Variants in EHMT1 observed in about 807,000 individuals in gnomAD.
The protein encoded by EHMT1 is euchromatic histone lysine methyltransferase 1.
EHMT1 carries 15 observed loss-of-function variants against 147.2 expected under a neutral mutation model. That is an observed-to-expected ratio of 0.10 (90% CI 0.07 to 0.16). The LOEUF (loss-of-function observed/expected upper bound fraction) is 0.16. Among genes scored for constraint, EHMT1 ranks in the 10% least tolerant of loss-of-function variants. EHMT1 has a pLI of 1.00. For missense variants in EHMT1, 1,587 were observed against 1,772.4 expected (o/e 0.90, Z 1.88); for synonymous variants, 795 against 709.6 (o/e 1.12, Z -1.91).
chr9:137,641,495 A>G (rs1397252112), intron 1 of EHMT1: 1 of 425,498 alleles, frequency 2.4e-6, no homozygotes, highest in Non-Finnish European at 4.5e-6. Context: ...ATGGCTGACA[A>G]ATGTTATTAC....
chr9:137,757,599 G>C (rs1190348520), intron 8 of EHMT1, among the ~76,000 whole-genome samples: 2 of 152,212 alleles, frequency 1.3e-5, no homozygotes, highest in African/African-American at 4.8e-5. Flanking sequence ...TACAGAGAAA[G>C]ATGTGCTGAC....
intron 1 of EHMT1, among the ~76,000 whole-genome samples, chr9:137,681,850 G>T (rs1941971975): frequency 6.6e-6 from 1 of 152,156 alleles, no homozygotes; most frequent in African/African-American, 2.4e-5. Context: ...TTCATTCCCT[G>T]GAAAGTTTGC....
At chr9:137,634,391 A>G (rs529962160) in intron 1 of EHMT1, among the ~76,000 whole-genome samples, 16 of 152,310 alleles carry the variant, frequency 1.1e-4, no homozygotes, top group African/African-American at 3.8e-4. Context: ...GTTTGTTGAA[A>G]AGACCATGCT....
At chr9:137,817,592 T>C in intron 24 of EHMT1, 67 bp downstream of exon 24, 1 of 1,598,440 alleles carries the variant, frequency 6.3e-7, no homozygotes, top group Non-Finnish European at 8.6e-7. Flanking sequence ...TCTGTGTCTG[T>C]ACTTCAGGAA....
intron 16 of EHMT1, among the ~76,000 whole-genome samples, chr9:137,795,435 ACT>A (rs1554887529): frequency 7.5e-6 from 1 of 132,554 alleles, no homozygotes; most frequent in African/African-American, 3.3e-5. Flanking sequence ...ACACTCTCAC[ACT>A]CACATACACA....
At chr9:137,722,953 C>T (rs1564641452) in intron 3 of EHMT1, among the ~76,000 whole-genome samples, 1 of 106,984 alleles carries the variant, frequency 9.3e-6, no homozygotes, top group African/African-American at 4.7e-5. Context: ...TGGGCCTGAG[C>T]CGGGGGTGTG....
chr9:137,825,527 G>A (rs533137362), intron 25 of EHMT1, among the ~76,000 whole-genome samples: 203 of 152,264 alleles, frequency 1.3e-3, no homozygotes, highest in African/African-American at 4.7e-3. Context: ...GGATTTGGCT[G>A]GGCCATCAGT....
chr9:137,660,801 C>A lies in EHMT1; in HGVS notation c.21+41752C>A, dbSNP rs867166635. Among the ~76,000 whole-genome samples, 4 of 152,122 alleles carry A rather than the reference C, an allele frequency of 2.6e-5. No individual in the cohort carries two copies. The South Asian group carries it at 8.3e-4, about 32-fold the overall frequency. ...GTTTCTTTCTAGATAACTGATGATT[C>A]TCTGATGCCATCGTAAGTGATGGCT... is the stretch of plus-strand genomic sequence containing the variant. On this transcript the variant is annotated intron_variant, in intron 1 of 26. Coordinates refer to ENST00000460843, the MANE Select transcript of EHMT1 (RefSeq NM_024757.5).
chr9:137,700,479 T>G (rs1943742135), intron 1 of EHMT1, among the ~76,000 whole-genome samples: 1 of 152,216 alleles, frequency 6.6e-6, no homozygotes, highest in African/African-American at 2.4e-5. Flanking sequence ...AAGTGGGCAT[T>G]CGGAAGAAGA....
intron 17 of EHMT1, among the ~76,000 whole-genome samples, chr9:137,799,790 CTG>C (rs1399081317): frequency 6.6e-6 from 1 of 152,262 alleles, no homozygotes; most frequent in Admixed American, 6.5e-5. Context: ...GCAGCAGCGT[CTG>C]TGATATGCTC....
chr9:137,811,762 C>G, intron 19 of EHMT1, 147 bp downstream of exon 19: 1 of 1,091,310 alleles, frequency 9.2e-7, no homozygotes, highest in Non-Finnish European at 1.3e-6. Flanking sequence ...CCTTGGTGTT[C>G]CACACGCAGA....
intron 5 of EHMT1, 57 bp from the exon 6 acceptor site, chr9:137,743,845 G>A (rs1948319278): frequency 6.4e-7 from 1 of 1,553,190 alleles, no homozygotes; most frequent in Non-Finnish European, 8.7e-7. Flanking sequence ...GTGAAAGCAA[G>A]TTTGTTCATG....
intron 1 of EHMT1, among the ~76,000 whole-genome samples, chr9:137,690,119 A>G (rs528823699): frequency 1.3e-5 from 2 of 152,296 alleles, no homozygotes; most frequent in African/African-American, 4.8e-5. Flanking sequence ...ACGTGGGGAA[A>G]ACTGTGAGAG....
intron 16 of EHMT1, among the ~76,000 whole-genome samples, chr9:137,792,812 C>T (rs903859202): frequency 6.6e-6 from 1 of 152,206 alleles, no homozygotes; most frequent in Non-Finnish European, 1.5e-5. Context: ...CTGGATTTGA[C>T]AATGATTTCT....
At chr9:137,739,107 C>G (rs1215798696) in intron 4 of EHMT1, among the ~76,000 whole-genome samples, 4 of 151,338 alleles carry the variant, frequency 2.6e-5, no homozygotes. Flanking sequence ...CGCGGTGGCT[C>G]ATGCCTGTAA....
chr9:137,647,437 A>G (rs992481126), intron 1 of EHMT1, among the ~76,000 whole-genome samples: 2 of 151,972 alleles, frequency 1.3e-5, no homozygotes, highest in African/African-American at 2.4e-5. Context: ...CTCTACCTTT[A>G]TGACACAGCT....
intron 1 of EHMT1, chr9:137,620,071 A>G (rs1317176622): frequency 6.6e-6 from 1 of 152,174 alleles, no homozygotes; most frequent in Non-Finnish European, 1.5e-5. Flanking sequence ...TAACTCAGGT[A>G]ATGTATGGCC....
At chr9:137,659,695 T>A (rs187516469) in intron 1 of EHMT1, among the ~76,000 whole-genome samples, 1 of 151,906 alleles carries the variant, frequency 6.6e-6, no homozygotes, top group Non-Finnish European at 1.5e-5. Context: ...TGGGACCACC[T>A]ACTACTGATG....
rs116963589 is a variant in EHMT1 at position 137,813,691 on chromosome 9, G to T, written c.3180+161G>T. Among the ~76,000 whole-genome samples the T allele has an allele frequency of 3.2e-4, 49 of 152,244 alleles. No individual in the cohort carries two copies. The East Asian group carries it at 9.1e-3, about 28-fold the overall frequency. ...CTTTGTAGTTGCCTCCCGTGAAAGAGCTGGAAGGCAGATAAAGGTTCTGTC... is the reference window on the plus strand; with the variant it reads ...CTTTGTAGTTGCCTCCCGTGAAAGATCTGGAAGGCAGATAAAGGTTCTGTC... On this transcript the variant is annotated intron_variant, in intron 21 of 26. Coordinates refer to ENST00000460843, the MANE Select transcript of EHMT1 (RefSeq NM_024757.5). This position sits in a 1 kb window ranked among gnomAD's most constrained non-coding sequence, Gnocchi z 4.9.
Sources: gnomAD v4.1 joint callset for allele counts (sites outside exome capture counted in the v4.1 genomes callset) on GRCh38, gnomAD v4.1.1 for gene constraint, Gnocchi (gnomAD v3.1) non-coding constraint, MANE v1.5 for transcripts, NCBI Gene and HGNC (gene_info 2026-07-23, HGNC 2026-07-21) for gene names.